GABRA2: variants seen among roughly 807,000 people sequenced by gnomAD.
The protein encoded by GABRA2 is gamma-aminobutyric acid receptor subunit alpha-2.
Under a neutral mutation model 48.7 loss-of-function variants are expected in GABRA2, and 16 were observed. That is an observed-to-expected ratio of 0.33 (90% CI 0.22 to 0.50). The LOEUF (loss-of-function observed/expected upper bound fraction) is 0.50, where lower values mean the gene tolerates loss of function less well. Ranked by LOEUF, GABRA2 falls within the 20% of genes least tolerant of loss-of-function variation. GABRA2 has a pLI of 0.98. For missense variants in GABRA2, 275 were observed against 535.6 expected, an observed-to-expected ratio of 0.51 and a Z score of 4.80; for synonymous variants, 185 against 184.5, an observed-to-expected ratio of 1.00 and a Z score of -0.02.
intron 3 of GABRA2, among the ~76,000 whole-genome samples, chr4:46,340,145 C>CGATGGT (rs1732966415): frequency 6.6e-6 from 1 of 151,780 alleles, no homozygotes; most frequent in Non-Finnish European, 1.5e-5. Context: ...TTAAAGCTAC[C>CGATGGT]ATCATCTGTC....
chr4:46,283,684 G>A (rs942352395), intron 8 of GABRA2, among the ~76,000 whole-genome samples: 9 of 152,136 alleles, frequency 5.9e-5, no homozygotes, highest in African/African-American at 2.2e-4. Flanking sequence ...GAAACGAAAT[G>A]CATTTGAACT....
chr4:46,304,144 C>G (rs1726223793), intron 7 of GABRA2, among the ~76,000 whole-genome samples: 1 of 152,138 alleles, frequency 6.6e-6, no homozygotes, highest in Non-Finnish European at 1.5e-5. Context: ...CATAAATGCT[C>G]TCTGCCAACA....
intron 3 of GABRA2, chr4:46,366,394 T>C (rs183478297): frequency 1.1e-4 from 17 of 152,250 alleles, no homozygotes; most frequent in African/African-American, 4.1e-4. Flanking sequence ...CAGATGCTAA[T>C]GATTACACAA....
rs150712689 is a variant in GABRA2, at chr4:46,291,348, T to A, written c.856+12112A>T. ...CTAGGAGTGTGCCCATTACTAGGAA[T>A]GTATTTTTCTAGGAATGTGTCCAAG... On this transcript the variant is annotated intron_variant, in intron 8 of 9. Transcript: ENST00000381620. 4.9e-3 allele frequency among the ~76,000 whole-genome samples: 750 copies of A among 152,250 alleles called. 3 individuals carry two copies. Among genetic ancestry groups the A allele is most frequent in the Non-Finnish European group, 6.7e-3 (457 of 68,012 alleles).
intron 3 of GABRA2, among the ~76,000 whole-genome samples, chr4:46,354,385 A>G (rs1016325693): frequency 3.9e-5 from 6 of 152,218 alleles, no homozygotes; most frequent in Admixed American, 3.9e-4. Context: ...GCATAAAGTA[A>G]TTATCAAAAA....
chr4:46,270,531 T>C (rs1719124452), intron 8 of GABRA2, among the ~76,000 whole-genome samples: 1 of 151,976 alleles, frequency 6.6e-6, no homozygotes, highest in Non-Finnish European at 1.5e-5. Flanking sequence ...CTTTTTTTTA[T>C]CACCTCTGTG....
Position 46,250,540 on chromosome 4 carries a change from G to A in GABRA2, c.1124C>T (p.Ala375Val), listed in dbSNP as rs867837443. Residue 375 changes from alanine to valine, a missense_variant, in exon 10 of 10, where the codon GCC becomes GTC. Physicochemically the swap from Ala to Val is moderately conservative, Grantham distance 64 (BLOSUM62 0). This residue lies in a region of GABRA2 where 99 missense variants were observed against 124.3 expected (regional missense o/e 0.80). Coordinates refer to ENST00000381620, the MANE Select transcript of GABRA2 (RefSeq NM_000807.4). ...AACTGGATCTTTTGAAAGATTCGGG[G>A]CATAATTGGCAACAGCCACTGCATA... is the stretch of plus-strand genomic sequence containing the variant. ...NAYAVAVANY[A>V]PNLSKDPVLS... The A allele has an allele frequency of 6.2e-7, 1 of 1,611,536 alleles. No homozygotes were observed.
intron 9 of GABRA2, among the ~76,000 whole-genome samples, chr4:46,255,511 G>T (rs1715640362): frequency 6.6e-6 from 1 of 151,454 alleles, no homozygotes; most frequent in African/African-American, 2.4e-5. Context: ...AGAAGGTGAA[G>T]ATTTGATTTA....
At chr4:46,362,243 C>T (rs1472528226) in intron 3 of GABRA2, among the ~76,000 whole-genome samples, 1 of 152,084 alleles carries the variant, frequency 6.6e-6, no homozygotes, top group African/African-American at 2.4e-5. Context: ...CCATGCTGTT[C>T]TCATAATAGT....
At chr4:46,325,801 A>G (rs1730259717) in intron 4 of GABRA2, among the ~76,000 whole-genome samples, 1 of 152,070 alleles carries the variant, frequency 6.6e-6, no homozygotes. Flanking sequence ...ATGGCTAGCC[A>G]GTTATCCTAG....
intron 3 of GABRA2, among the ~76,000 whole-genome samples, chr4:46,336,303 T>A (rs929778573): frequency 6.6e-6 from 1 of 152,182 alleles, no homozygotes; most frequent in Non-Finnish European, 1.5e-5. Context: ...AGAGTCCATT[T>A]CCATTGACAA....
chr4:46,284,976 A>G (rs1320111943), intron 8 of GABRA2, among the ~76,000 whole-genome samples: 1 of 150,786 alleles, frequency 6.6e-6, no homozygotes, highest in Admixed American at 6.6e-5. Flanking sequence ...GAAGGTAGAA[A>G]CTTTTCTTAA....
intron 1 of GABRA2, chr4:46,389,371 G>A (rs1055032455): frequency 7.1e-6 from 7 of 985,204 alleles, no homozygotes; most frequent in African/African-American, 7.0e-5. Flanking sequence ...GCTGCGAAAC[G>A]ACGCGTTTGA....
At chr4:46,277,421 T>G (rs1437912727) in intron 8 of GABRA2, among the ~76,000 whole-genome samples, 1 of 152,136 alleles carries the variant, frequency 6.6e-6, no homozygotes, top group East Asian at 1.9e-4. Context: ...TGTGGAAGAC[T>G]GATTTGGAAT....
intron 8 of GABRA2, among the ~76,000 whole-genome samples, chr4:46,296,160 A>G (rs1293476350): frequency 6.6e-6 from 1 of 152,130 alleles, no homozygotes; most frequent in Non-Finnish European, 1.5e-5. Flanking sequence ...CATCTCATAT[A>G]TGATACTGTT....
Position 46,273,187 on chromosome 4 carries a change from T to A in GABRA2, c.857-11059A>T, listed in dbSNP as rs180894119. 2.6e-5 allele frequency among the ~76,000 whole-genome samples: 4 copies of A among 152,048 alleles called. No homozygotes were observed. In the East Asian group the frequency reaches 7.8e-4, roughly 30 times the overall value. On this transcript the variant is annotated intron_variant, in intron 8 of 9. Coordinates refer to ENST00000381620, the MANE Select transcript of GABRA2 (RefSeq NM_000807.4). ...CTAGTTGTTTTTAAGATTGTCTCTG[T>A]CTTTGGTTTACAGCACTTTGAATGT... is the stretch of plus-strand genomic sequence containing the variant.
rs201855387 is a variant in GABRA2, at chr4:46,370,364, G to GA, written c.187+15709dup. On this transcript the variant is annotated intron_variant, in intron 3 of 9. Coordinates refer to ENST00000381620, the MANE Select transcript of GABRA2 (RefSeq NM_000807.4). ...AGAGAGAAGATAAAGAGAAACCAAA[G>GA]AAAAAAAACTGATAAAGAACAGTAG... 4.3e-3 allele frequency among the ~76,000 whole-genome samples: 658 copies of GA among 151,402 alleles called. 9 individuals are homozygous for GA. The highest frequency in any genetic ancestry group is 0.042 in the East Asian group (217 of 5,146).
At chr4:46,346,528 C>T (rs960497805) in intron 3 of GABRA2, among the ~76,000 whole-genome samples, 2 of 150,884 alleles carry the variant, frequency 1.3e-5, no homozygotes, top group Admixed American at 6.6e-5. Flanking sequence ...TAATATATTA[C>T]ATATCCTCTT....
rs549670436 is a variant in GABRA2 at position 46,340,059 on chromosome 4, C to T, written c.188-7377G>A. On this transcript the variant is annotated intron_variant, in intron 3 of 9. Transcript: ENST00000381620. ...AATATTGGTTTTATTCACAGCTTCT[C>T]TCTTTTCAACAGTAAATCTCTTCTC... 3.6e-4 allele frequency among the ~76,000 whole-genome samples: 54 copies of T among 151,876 alleles called. 1 individual carries two copies. The highest frequency in any genetic ancestry group is 1.2e-3 in the African/African-American group (50 of 41,516).
Sources: allele counts gnomAD v4.1 joint callset (sites outside exome capture counted in the v4.1 genomes callset), GRCh38; gene constraint gnomAD v4.1.1; regional missense constraint gnomAD v4.1.1; transcripts MANE v1.5; gene names NCBI Gene and HGNC (gene_info 2026-07-23, HGNC 2026-07-21).